Variants in EEF1AKMT4 observed in about 807,000 individuals in gnomAD.
EEF1AKMT4 encodes the protein EEF1A lysine methyltransferase 4.
A neutral mutation model predicts 23.0 loss-of-function variants in EEF1AKMT4; 17 were observed. The observed-to-expected ratio is 0.74, with a 90% CI of 0.51 to 1.11. The LOEUF (loss-of-function observed/expected upper bound fraction) is 1.11, where lower values mean the gene tolerates loss of function less well. EEF1AKMT4 is among the 50% of genes least tolerant of loss of function. The pLI is 0.00. For missense variants in EEF1AKMT4, 318 were observed against 333.4 expected (o/e 0.95, Z 0.36); for synonymous variants, 140 against 141.4 (o/e 0.99, Z 0.07).
intron 1 of EEF1AKMT4, among the ~76,000 whole-genome samples, chr3:184,253,186 C>G (rs1357346603): frequency 6.6e-6 from 1 of 152,038 alleles, no homozygotes; most frequent in African/African-American, 2.4e-5. Flanking sequence ...CAAAGTTTCC[C>G]TGAAGGTAGT....
intron 1 of EEF1AKMT4, among the ~76,000 whole-genome samples, chr3:184,255,552 G>A (rs1219847174): frequency 6.6e-6 from 1 of 152,222 alleles, no homozygotes; most frequent in African/African-American, 2.4e-5. Flanking sequence ...GCTATCAAGA[G>A]CTGTCACCCA....
chr3:184,250,758 T>A (rs1293651737), intron 1 of EEF1AKMT4, among the ~76,000 whole-genome samples: 1 of 152,200 alleles, frequency 6.6e-6, no homozygotes, highest in African/African-American at 2.4e-5. Context: ...AATAGAACAT[T>A]ACTAGGGATA....
intron 1 of EEF1AKMT4, among the ~76,000 whole-genome samples, chr3:184,254,470 G>A (rs954420573): frequency 6.6e-6 from 1 of 151,408 alleles, no homozygotes; most frequent in East Asian, 1.9e-4. Flanking sequence ...TTCGAGAGGC[G>A]GAGGCGGGCA....
intron 1 of EEF1AKMT4, among the ~76,000 whole-genome samples, chr3:184,250,365 G>A (rs1465116358): frequency 1.3e-5 from 2 of 152,216 alleles, no homozygotes; most frequent in Non-Finnish European, 2.9e-5. Flanking sequence ...CCTGGGCACT[G>A]GGAGCCAGAG....
At chr3:184,253,916 C>T (rs1196784226) in intron 1 of EEF1AKMT4, among the ~76,000 whole-genome samples, 2 of 152,244 alleles carry the variant, frequency 1.3e-5, no homozygotes, top group East Asian at 1.9e-4. Context: ...GTGATCTGCC[C>T]GCCTCGGCCT....
chr3:184,249,800 T>C lies in EEF1AKMT4; in HGVS notation c.106T>C (p.Ser36Pro). Residue 36 changes from serine (S) to proline (P), a missense_variant, in exon 1 of 3, where the codon TCT becomes CCT. By Grantham distance (74) the Ser-to-Pro change is moderately conservative. Transcript: ENST00000324557. ...TCAGCGCTACCAAGGCGCAGCCGAT[T>C]CTGCCCCCTACGATTGGTTCGGGGA... is the stretch of plus-strand genomic sequence containing the variant. ...WDQRYQGAADSAPYDWFGDFS... is the reference protein window; with the variant it reads ...WDQRYQGAADPAPYDWFGDFS... 1 of 1,613,386 alleles carries C rather than the reference T, an allele frequency of 6.2e-7. No homozygotes were observed.
chr3:184,250,574 G>A (rs755641075), intron 1 of EEF1AKMT4, among the ~76,000 whole-genome samples: 10 of 152,218 alleles, frequency 6.6e-5, no homozygotes, highest in Non-Finnish European at 1.3e-4. Flanking sequence ...GGAGGCGCTA[G>A]TAAAGTTTGA....
intron 1 of EEF1AKMT4, among the ~76,000 whole-genome samples, chr3:184,256,702 C>T (rs1719823919): frequency 1.3e-5 from 2 of 151,118 alleles, no homozygotes; most frequent in African/African-American, 4.9e-5. Flanking sequence ...CGGAGTTTCG[C>T]TCTTGTCACC....
Position 184,249,895 on chromosome 3 carries a change from GT to G in EEF1AKMT4, c.196+6del. 1 of 1,603,964 alleles carries G rather than the reference GT, an allele frequency of 6.2e-7. No homozygotes were observed. The highest frequency in any genetic ancestry group is 8.5e-7 in the Non-Finnish European group (1 of 1,172,530). ...AGGACCGTATCCTTGTGCTAGGTGGGTAATCCCGGCGCGGCCCCGCCAGGTA... is the reference window on the plus strand; with the variant it reads ...AGGACCGTATCCTTGTGCTAGGTGGGAATCCCGGCGCGGCCCCGCCAGGTA... On this transcript the variant is annotated splice_donor_region_variant and intron_variant, in intron 1 of 2. Coordinates refer to ENST00000324557, the MANE Select transcript of EEF1AKMT4 (RefSeq NM_032331.4).
chr3:184,257,021 G>A (rs917550880), intron 1 of EEF1AKMT4, among the ~76,000 whole-genome samples: 5 of 150,540 alleles, frequency 3.3e-5, no homozygotes, highest in Non-Finnish European at 5.9e-5. Flanking sequence ...TATGGCCTAC[G>A]TATTATTATC....
At position 184,258,388 on chromosome 3, in the gene EEF1AKMT4, C is replaced by T; in HGVS notation, c.581C>T (p.Ser194Phe). ...TATGCCCAAGCCTATTATGGCTGGT[C>T]CCTGAGGCATGCTACCTATGGCAGC... Reference protein sequence around the residue: ...RHYAQAYYGWSLRHATYGSGF... With the variant: ...RHYAQAYYGWFLRHATYGSGF... The change falls in exon 3 of 3, where the codon TCC (serine) becomes TTC (phenylalanine). Residue 194 changes from serine (S) to phenylalanine (F), a missense_variant. Coordinates refer to ENST00000324557, the MANE Select transcript of EEF1AKMT4 (RefSeq NM_032331.4). 6.2e-7 allele frequency: 1 copy of T among 1,613,864 alleles called. No homozygotes were observed. Among genetic ancestry groups the T allele is most frequent in the African/African-American group, 1.3e-5 (1 of 75,008 alleles).
chr3:184,255,822 G>A (rs541059020), intron 1 of EEF1AKMT4, among the ~76,000 whole-genome samples: 1 of 152,362 alleles, frequency 6.6e-6, no homozygotes, highest in Admixed American at 6.5e-5. Flanking sequence ...CACCTGAGGT[G>A]AGGTCCAGAC....
chr3:184,249,998 C>G, intron 1 of EEF1AKMT4, 108 bp downstream of exon 1: 1 of 1,266,126 alleles, frequency 7.9e-7, no homozygotes. Context: ...TTGGAGGACG[C>G]CTGCGTTGGG....
chr3:184,249,707 G>A lies in EEF1AKMT4; in HGVS notation c.13G>A (p.Gly5Arg), dbSNP rs76486175. Residue 5 changes from glycine to arginine, a missense_variant, in exon 1 of 3, where the codon GGG becomes AGG. Gly to Arg is a moderately radical substitution (Grantham distance 125). Coordinates refer to ENST00000324557, the MANE Select transcript of EEF1AKMT4 (RefSeq NM_032331.4). ...GGCGGTTGAGAGCATGGCCTCTCCA[G>A]GGGCAGGTAGGGCGCCTCCGGAGTT... Reference protein sequence around the residue: MASPGAGRAPPELPE... With the variant: MASPRAGRAPPELPE... The A allele has an allele frequency of 5.8e-5, 94 of 1,607,826 alleles. No individual in the cohort carries two copies. In the African/African-American group the frequency reaches 1.1e-3, roughly 18 times the overall value.
chr3:184,255,435 A>G (rs1719758232), intron 1 of EEF1AKMT4, among the ~76,000 whole-genome samples: 1 of 152,156 alleles, frequency 6.6e-6, no homozygotes, highest in Admixed American at 6.5e-5. Flanking sequence ...CAGGTGCCAA[A>G]CCCTGATAGA....
rs767139231 is a variant in EEF1AKMT4 at position 184,258,423 on chromosome 3, T to C, written c.616T>C (p.Phe206Leu). Residue 206 changes from phenylalanine (F) to leucine (L), a missense_variant, in exon 3 of 3, where the codon TTC becomes CTC. By Grantham distance (22) the Phe-to-Leu change is conservative (BLOSUM62 0). Transcript: ENST00000324557. ...TGCTACCTATGGCAGCGGTTTCCAC[T>C]TCCATCTCTACCTCATGCACAAGGG... ...RHATYGSGFHFHLYLMHKGGK... is the reference protein window; with the variant it reads ...RHATYGSGFHLHLYLMHKGGK... 6.2e-7 allele frequency: 1 copy of C among 1,613,976 alleles called. No individual in the cohort carries two copies. Among genetic ancestry groups the C allele is most frequent in the Non-Finnish European group, 8.5e-7 (1 of 1,179,930 alleles).
chr3:184,255,766 C>T (rs935935285), intron 1 of EEF1AKMT4, among the ~76,000 whole-genome samples: 5 of 152,244 alleles, frequency 3.3e-5, no homozygotes, highest in Non-Finnish European at 2.9e-5. Context: ...CTCTGTTCTT[C>T]AAGACTTTGC....
At chr3:184,258,049 A>G (rs1719892810) in intron 2 of EEF1AKMT4, among the ~76,000 whole-genome samples, 1 of 152,160 alleles carries the variant, frequency 6.6e-6, no homozygotes, top group East Asian at 1.9e-4. Context: ...GAGCAGTTAT[A>G]GGAAAGTGGT....
Position 184,258,400 on chromosome 3 carries a change from C to G in EEF1AKMT4, c.593C>G (p.Ala198Gly). 6.2e-7 allele frequency: 1 copy of G among 1,613,960 alleles called. No individual in the cohort carries two copies. The highest frequency in any genetic ancestry group is 8.5e-7 in the Non-Finnish European group (1 of 1,179,906). Reference protein sequence around the residue: ...QAYYGWSLRHATYGSGFHFHL... With the variant: ...QAYYGWSLRHGTYGSGFHFHL... Reference sequence around the variant, plus strand: ...TATTATGGCTGGTCCCTGAGGCATGCTACCTATGGCAGCGGTTTCCACTTC... The same window carrying G: ...TATTATGGCTGGTCCCTGAGGCATGGTACCTATGGCAGCGGTTTCCACTTC... Residue 198 changes from alanine (A) to glycine (G), a missense_variant, in exon 3 of 3, where the codon GCT becomes GGT. Ala to Gly is a moderately conservative substitution (Grantham distance 60). Transcript: ENST00000324557.
Sources: gnomAD v4.1 joint callset for allele counts (sites outside exome capture counted in the v4.1 genomes callset) on GRCh38, gnomAD v4.1.1 for gene constraint, MANE v1.5 for transcripts, NCBI Gene and HGNC (gene_info 2026-07-23, HGNC 2026-07-21) for gene names.